HORMAD2: variants seen among roughly 807,000 people sequenced by gnomAD.
HORMAD2 encodes the protein HORMA domain-containing protein 2.
A neutral mutation model predicts 38.8 loss-of-function variants in HORMAD2; 45 were observed. The ratio of observed to expected loss-of-function variants is 1.16; its 90% CI spans 0.91 to 1.49. The LOEUF (loss-of-function observed/expected upper bound fraction) is 1.49. Ranked by LOEUF, HORMAD2 falls within the 40% of genes most tolerant of loss-of-function variation. The pLI is 0.00. For missense variants in HORMAD2, 338 were observed against 367.0 expected (o/e 0.92, Z 0.65); for synonymous variants, 126 against 122.8 (o/e 1.03, Z -0.17).
intron 2 of HORMAD2, among the ~76,000 whole-genome samples, 167 bp downstream of exon 2, chr22:30,094,170 G>A (rs1362320243): frequency 2.6e-5 from 4 of 152,118 alleles, no homozygotes; most frequent in African/African-American, 9.7e-5. Context: ...ATAGACCAAG[G>A]ACCAGAAAAT....
intron 10 of HORMAD2, among the ~76,000 whole-genome samples, chr22:30,134,295 A>G (rs1050817093): frequency 6.6e-6 from 1 of 151,476 alleles, no homozygotes; most frequent in African/African-American, 2.4e-5. Context: ...ACTACTCGGT[A>G]GGCTGAGGCA....
At chr22:30,140,165 G>A (rs1206209546) in intron 10 of HORMAD2, among the ~76,000 whole-genome samples, 1 of 152,154 alleles carries the variant, frequency 6.6e-6, no homozygotes, top group African/African-American at 2.4e-5. Flanking sequence ...TTGGGGGGCT[G>A]AGGCACAAGA....
At chr22:30,198,453 T>C in the HORMAD2 span, among the ~76,000 whole-genome samples, 1 of 152,048 alleles carries the variant, frequency 6.6e-6, no homozygotes, top group Non-Finnish European at 1.5e-5. Flanking sequence ...AATGCCTGAG[T>C]GTCTCCCCCA....
intron 1 of HORMAD2, among the ~76,000 whole-genome samples, chr22:30,093,484 A>G (rs2068728300): frequency 6.6e-6 from 1 of 152,158 alleles, no homozygotes; most frequent in Non-Finnish European, 1.5e-5. Flanking sequence ...TCCTCTGAAT[A>G]TATTTTTGAA....
chr22:30,098,900 A>G lies in HORMAD2; in HGVS notation c.100A>G (p.Met34Val), dbSNP rs1920926393. 1.2e-6 allele frequency: 2 copies of G among 1,613,580 alleles called. No individual in the cohort carries two copies. The highest frequency in any genetic ancestry group is 1.7e-5 in the Admixed American group (1 of 59,974). The stretch of plus-strand genomic sequence containing the variant: ...CACTAATGAGCATGAGTCATTGAAA[A>G]TGGTGAAGAAACTTTTTGCTACTTC... Reference protein sequence around the residue: ...QITNEHESLKMVKKLFATSIS... With the variant: ...QITNEHESLKVVKKLFATSIS... The change falls in exon 3 of 11, where the codon ATG becomes GTG. Residue 34 changes from methionine (M) to valine (V), a missense_variant. Coordinates refer to ENST00000336726, the MANE Select transcript of HORMAD2 (RefSeq NM_152510.4).
In HORMAD2 at chr22:30,145,635, G is replaced by T. The variant is rs138692780; in HGVS notation, c.819+23421G>T. 8.7e-3 allele frequency among the ~76,000 whole-genome samples: 1,316 copies of T among 152,062 alleles called. 13 individuals are homozygous for T. Among genetic ancestry groups the T allele is most frequent in the African/African-American group, 0.028 (1,168 of 41,470 alleles). Reference sequence around the variant, plus strand: ...AGTGAACTTGAAGTAGAATATAGAAGTCACTCAAATTGAAACATAATGAAA... The same window carrying T: ...AGTGAACTTGAAGTAGAATATAGAATTCACTCAAATTGAAACATAATGAAA... On this transcript the variant is annotated intron_variant, in intron 10 of 10. Transcript: ENST00000336726.
intron 10 of HORMAD2, among the ~76,000 whole-genome samples, chr22:30,163,747 T>TAATTTA (rs897662011): frequency 2.0e-5 from 3 of 152,100 alleles, no homozygotes; most frequent in African/African-American, 7.2e-5. Context: ...CTTTTATTTT[T>TAATTTA]ATTTTTATTT....
rs556148309 is a variant in HORMAD2, at chr22:30,100,853, TAGAG to T, written c.193+1864_193+1867del. Reference sequence around the variant, plus strand: ...AAAAAAGCTCATCATCACTGGTCGTTAGAGAGATGCAAATCAAAACCACAATGAG... The same window carrying T: ...AAAAAAGCTCATCATCACTGGTCGTTAGATGCAAATCAAAACCACAATGAG... On this transcript the variant is annotated intron_variant, in intron 3 of 10. Coordinates refer to ENST00000336726, the MANE Select transcript of HORMAD2 (RefSeq NM_152510.4). 8.3e-3 allele frequency among the ~76,000 whole-genome samples: 1,265 copies of T among 152,240 alleles called. 13 individuals carry two copies. Among genetic ancestry groups the T allele is most frequent in the African/African-American group, 0.029 (1,192 of 41,536 alleles).
intron 10 of HORMAD2, among the ~76,000 whole-genome samples, chr22:30,125,388 C>A (rs554426373): frequency 6.6e-6 from 1 of 151,470 alleles, no homozygotes; most frequent in Non-Finnish European, 1.5e-5. Context: ...GCCACCACAC[C>A]CAGCTAATTT....
intron 10 of HORMAD2, among the ~76,000 whole-genome samples, chr22:30,157,205 G>T (rs1172016900): frequency 6.6e-6 from 1 of 152,146 alleles, no homozygotes; most frequent in East Asian, 1.9e-4. Flanking sequence ...TAGCTTTACA[G>T]TCCACTTACA....
At chr22:30,078,607 C>CAAAAAAAAAAAA (rs55966787), upstream of HORMAD2, among the ~76,000 whole-genome samples, 107 of 28,090 alleles carry the variant, frequency 3.8e-3, 18 homozygotes, top group African/African-American at 5.8e-3. Context: ...CTCTGTCTCA[C>CAAAAAAAAAAAA]AAAAAAAAAA....
At chr22:30,094,831 G>A (rs906321345) in intron 2 of HORMAD2, among the ~76,000 whole-genome samples, 9 of 152,136 alleles carry the variant, frequency 5.9e-5, no homozygotes, top group Non-Finnish European at 1.3e-4. Context: ...GAAATAAGAT[G>A]GGCTGATTAC....
In HORMAD2 at chr22:30,176,819, G is replaced by A. The variant is rs62226392; in HGVS notation, c.*652G>A. The A allele has an allele frequency of 6.5e-6, 1 of 152,756 alleles. No homozygotes were observed. Among genetic ancestry groups the A allele is most frequent in the Non-Finnish European group, 1.5e-5 (1 of 68,050 alleles). 9.5% of individuals were successfully genotyped at this position (152,756 alleles called of 1,614,324 possible). On this transcript the variant is annotated 3_prime_UTR_variant, in exon 11 of 11. Transcript: ENST00000336726. ...ACCTATATTAAATATTTCCCAAGAA[G>A]CACTTCAGTTTATCAGTCTGTAACC...
intron 10 of HORMAD2, among the ~76,000 whole-genome samples, chr22:30,157,331 C>T (rs1386025706): frequency 6.6e-6 from 1 of 152,200 alleles, no homozygotes; most frequent in Admixed American, 6.5e-5. Flanking sequence ...AATATTAATA[C>T]TACTTTATAT....
intron 10 of HORMAD2, among the ~76,000 whole-genome samples, chr22:30,139,056 A>G (rs949042135): frequency 2.6e-5 from 4 of 151,702 alleles, no homozygotes; most frequent in Admixed American, 2.6e-4. Context: ...ATGCTCCAGC[A>G]GATTGCCTTA....
At chr22:30,114,758 G>A (rs1330924608) in intron 7 of HORMAD2, among the ~76,000 whole-genome samples, 1 of 152,210 alleles carries the variant, frequency 6.6e-6, no homozygotes, top group Non-Finnish European at 1.5e-5. Context: ...ACAAGTGTGT[G>A]TCCCTAGTTC....
chr22:30,119,777 GAT>G (rs2146125469), intron 8 of HORMAD2, among the ~76,000 whole-genome samples: 1 of 152,210 alleles, frequency 6.6e-6, no homozygotes, highest in South Asian at 2.1e-4. Flanking sequence ...AGGAAAGACT[GAT>G]GAGAGACATG....
chr22:30,134,719 A>G (rs1219701270), intron 10 of HORMAD2, among the ~76,000 whole-genome samples: 4 of 151,946 alleles, frequency 2.6e-5, no homozygotes, highest in Admixed American at 2.0e-4. Flanking sequence ...AAGTTCTACT[A>G]TATTCTAATC....
At chr22:30,207,343 C>A in the HORMAD2 span, among the ~76,000 whole-genome samples, 1 of 152,186 alleles carries the variant, frequency 6.6e-6, no homozygotes, top group Non-Finnish European at 1.5e-5. Context: ...CCCTGGGCTC[C>A]TATGAAGGGC....
Sources: gnomAD v4.1 joint callset for allele counts (sites outside exome capture counted in the v4.1 genomes callset) on GRCh38, gnomAD v4.1.1 for gene constraint, MANE v1.5 for transcripts, NCBI Gene and HGNC (gene_info 2026-07-23, HGNC 2026-07-21) for gene names.